FERMT1: variants seen among roughly 807,000 people sequenced by gnomAD.
FERMT1 encodes the protein FERM domain containing kindlin 1.
In FERMT1, 60 loss-of-function variants were observed where a neutral mutation model predicts 85.3. That is an observed-to-expected ratio of 0.70 (90% CI 0.57 to 0.87). The LOEUF (loss-of-function observed/expected upper bound fraction) is 0.87, where lower values mean the gene tolerates loss of function less well. Among genes scored for constraint, FERMT1 ranks in the 40% least tolerant of loss-of-function variants. The pLI is 0.00. For missense variants in FERMT1, 701 were observed against 818.9 expected (o/e 0.86, Z 1.76); for synonymous variants, 275 against 301.1 (o/e 0.91, Z 0.90).
intron 2 of FERMT1, 67 bp downstream of exon 2, chr20:6,119,337 G>T: frequency 6.9e-7 from 1 of 1,455,382 alleles, no homozygotes; most frequent in Non-Finnish European, 9.6e-7. Flanking sequence ...ACCTACACCA[G>T]CCATTAGTGG....
chr20:6,099,054 G>T (rs1444079461), intron 6 of FERMT1, among the ~76,000 whole-genome samples: 1 of 152,170 alleles, frequency 6.6e-6, no homozygotes, highest in Non-Finnish European at 1.5e-5. Flanking sequence ...ACAGCAGAAT[G>T]GATAAATAAA....
At position 6,085,080 on chromosome 20, in the gene FERMT1, G is replaced by GTT. The variant is rs1568654623; in HGVS notation, c.1578_1579insAA (p.His527AsnfsTer65). 1.2e-6 allele frequency: 2 copies of GTT among 1,613,822 alleles called. No individual in the cohort carries two copies. The highest frequency in any genetic ancestry group is 1.7e-6 in the Non-Finnish European group (2 of 1,179,754). ...ATTAACAGTACCTGTTTGGATTTGT[G>GTT]TCTTTTTGCACACCGTGGTGACACA... On this transcript the variant is annotated frameshift_variant, in exon 12 of 15. Coordinates refer to ENST00000217289, the MANE Select transcript of FERMT1 (RefSeq NM_017671.5). LOFTEE classifies it high-confidence loss of function.
At chr20:6,107,747 G>A in intron 5 of FERMT1, 113 bp from the exon 6 acceptor site, 1 of 628,832 alleles carries the variant, frequency 1.6e-6, no homozygotes, top group Non-Finnish European at 2.9e-6. Context: ...CAAAATCAGG[G>A]TATGTAATAC....
chr20:6,096,895 T>C lies in FERMT1; in HGVS notation c.1089+7A>G. 6.2e-7 allele frequency: 1 copy of C among 1,611,104 alleles called. No individual in the cohort carries two copies. The highest frequency in any genetic ancestry group is 8.5e-7 in the Non-Finnish European group (1 of 1,178,284). On this transcript the variant is annotated splice_region_variant and intron_variant, in intron 8 of 14. Coordinates refer to ENST00000217289, the MANE Select transcript of FERMT1 (RefSeq NM_017671.5). ...CACAGTTCTGGGTGATCAGAAAAAG[T>C]TCATACCAAAAGGCTGTCCGCTTTT... is the stretch of plus-strand genomic sequence containing the variant.
In FERMT1 at chr20:6,096,885, T is replaced by C. The variant is rs766451618; in HGVS notation, c.1089+17A>G. The C allele has an allele frequency of 1.9e-6, 3 of 1,607,858 alleles. No homozygotes were observed. In the Admixed American group the frequency reaches 5.0e-5, roughly 27 times the overall value. Reference sequence around the variant, plus strand: ...AGAAGAAAGCCACAGTTCTGGGTGATCAGAAAAAGTTCATACCAAAAGGCT... The same window carrying C: ...AGAAGAAAGCCACAGTTCTGGGTGACCAGAAAAAGTTCATACCAAAAGGCT... On this transcript the variant is annotated intron_variant, in intron 8 of 14. Transcript: ENST00000217289.
At chr20:6,083,899 G>A (rs1982083303) in intron 13 of FERMT1, 141 bp downstream of exon 13, 3 of 943,304 alleles carry the variant, frequency 3.2e-6, no homozygotes, top group Admixed American at 2.1e-5. Flanking sequence ...GCAGCCCAAA[G>A]TGTCAGGACT....
At chr20:6,085,369 C>G in intron 11 of FERMT1, 82 bp from the exon 12 acceptor site, 2 of 1,253,212 alleles carry the variant, frequency 1.6e-6, no homozygotes, top group Middle Eastern at 2.6e-4. Context: ...GCTTTCTACC[C>G]CATTACAGTG....
At chr20:6,100,731 G>A (rs1358950429) in intron 6 of FERMT1, among the ~76,000 whole-genome samples, 1 of 152,004 alleles carries the variant, frequency 6.6e-6, no homozygotes, top group African/African-American at 2.4e-5. Context: ...CAAGACAAGA[G>A]GCCTAAAAGT....
chr20:6,119,489 A>G lies in FERMT1; in HGVS notation c.66T>C (p.Asn22=). 6.2e-7 allele frequency: 1 copy of G among 1,614,150 alleles called. No homozygotes were observed. Among genetic ancestry groups the G allele is most frequent in the Non-Finnish European group, 8.5e-7 (1 of 1,180,010 alleles). The change falls in exon 2 of 15, where the codon AAT becomes AAC. Residue 22 remains asparagine, a synonymous_variant. Transcript: ENST00000217289. ...WELVVRVDHP[N]EEQQKDVTLR... ...GTGTGACGTCTTTCTGCTGCTCTTC[A>G]TTGGGATGGTCAACGCGGACCACAA...
At chr20:6,090,162 A>G (rs557256129) in intron 9 of FERMT1, among the ~76,000 whole-genome samples, 1 of 151,738 alleles carries the variant, frequency 6.6e-6, no homozygotes, top group South Asian at 2.1e-4. Context: ...GCAACCTCCA[A>G]CTCCCTGGTT....
chr20:6,082,569 A>G (rs1477367006), intron 13 of FERMT1, among the ~76,000 whole-genome samples: 2 of 152,236 alleles, frequency 1.3e-5, no homozygotes, highest in African/African-American at 4.8e-5. Flanking sequence ...GGGGTAAGTA[A>G]AGCAGAAGGA....
At position 6,104,798 on chromosome 20, in the gene FERMT1, A is replaced by C. The variant is rs766906898; in HGVS notation, c.849+2734T>G. The stretch of plus-strand genomic sequence containing the variant: ...TTTCTTCCACTTTTTAGACAAATAC[A>C]TATTTAACCCTGCTCCTCTATATTT... On this transcript the variant is annotated intron_variant, in intron 6 of 14. Coordinates refer to ENST00000217289, the MANE Select transcript of FERMT1 (RefSeq NM_017671.5). The surrounding 1 kb of genome is among the most constrained non-coding windows in gnomAD (Gnocchi z 4.2). Among the ~76,000 whole-genome samples the C allele has an allele frequency of 6.6e-6, 1 of 152,210 alleles. No homozygotes were observed.
Position 6,110,284 on chromosome 20 carries a change from A to T in FERMT1, c.746+14T>A, listed in dbSNP as rs751472516. On this transcript the variant is annotated intron_variant, in intron 5 of 14. Coordinates refer to ENST00000217289, the MANE Select transcript of FERMT1 (RefSeq NM_017671.5). The stretch of plus-strand genomic sequence containing the variant: ...CACTAGCTCAGAGAGAAGTAAAAGG[A>T]GCCGTGTCCTTACCCTGCATTGAGC... The T allele has an allele frequency of 4.4e-6, 7 of 1,602,740 alleles. No homozygotes were observed. The highest frequency in any genetic ancestry group is 6.0e-6 in the Non-Finnish European group (7 of 1,171,556).
intron 2 of FERMT1, among the ~76,000 whole-genome samples, chr20:6,118,584 A>G (rs1983173837): frequency 6.6e-6 from 1 of 152,260 alleles, no homozygotes; most frequent in Admixed American, 6.5e-5. Context: ...TTGCTAGAGC[A>G]AATGAAAAGC....
At chr20:6,101,423 A>T (rs1982654793) in intron 6 of FERMT1, among the ~76,000 whole-genome samples, 1 of 152,220 alleles carries the variant, frequency 6.6e-6, no homozygotes, top group Non-Finnish European at 1.5e-5. Context: ...GATAGCCATG[A>T]TATGTTTTGA....
At chr20:6,111,719 A>G (rs982520304) in intron 4 of FERMT1, among the ~76,000 whole-genome samples, 2 of 152,198 alleles carry the variant, frequency 1.3e-5, no homozygotes, top group Non-Finnish European at 2.9e-5. Flanking sequence ...GTTTTGATAT[A>G]AAAAGAAAAG....
intron 3 of FERMT1, among the ~76,000 whole-genome samples, chr20:6,114,642 C>G (rs987765460): frequency 2.6e-5 from 4 of 152,194 alleles, no homozygotes; most frequent in Admixed American, 2.6e-4. Context: ...AACTTACATT[C>G]TGTAATGAAA....
At chr20:6,091,962 G>A (rs1249914718) in intron 9 of FERMT1, among the ~76,000 whole-genome samples, 3 of 149,404 alleles carry the variant, frequency 2.0e-5, no homozygotes, top group Non-Finnish European at 4.5e-5. Context: ...TTTGAGACAG[G>A]GTTTCACTCT....
chr20:6,102,314 C>A (rs1362395390), intron 6 of FERMT1, among the ~76,000 whole-genome samples: 3 of 152,078 alleles, frequency 2.0e-5, no homozygotes, highest in African/African-American at 7.2e-5. Context: ...TCTCCAGTGA[C>A]TTAGAAACAA....
Sources: allele counts gnomAD v4.1 joint callset (sites outside exome capture counted in the v4.1 genomes callset), GRCh38; gene constraint gnomAD v4.1.1; non-coding constraint Gnocchi (gnomAD v3.1); transcripts MANE v1.5; gene names NCBI Gene and HGNC (gene_info 2026-07-23, HGNC 2026-07-21).